UMODL1: variants seen among roughly 807,000 people sequenced by gnomAD.
The protein encoded by UMODL1 is uromodulin like 1.
UMODL1 carries 128 observed loss-of-function variants against 136.3 expected under a neutral mutation model. The observed-to-expected ratio is 0.94, with a 90% CI of 0.81 to 1.09. The LOEUF (loss-of-function observed/expected upper bound fraction) is 1.09, where lower values mean the gene tolerates loss of function less well. Among genes scored for constraint, UMODL1 ranks in the 50% least tolerant of loss-of-function variants. The pLI is 0.00. For missense variants in UMODL1, 1,766 were observed against 1,725.6 expected, an observed-to-expected ratio of 1.02 and a Z score of -0.41; for synonymous variants, 721 against 720.0, an observed-to-expected ratio of 1.00 and a Z score of -0.02.
At position 42,099,202 on chromosome 21, in the gene UMODL1, C is replaced by A. The variant is rs114762647; in HGVS notation, c.1186+22C>A. ...ACCAGTAAGGCCCCCAGTCAGAGACCCACGTTAGCTTGCGAGCTTGTCTTT... is the reference window on the plus strand; with the variant it reads ...ACCAGTAAGGCCCCCAGTCAGAGACACACGTTAGCTTGCGAGCTTGTCTTT... On this transcript the variant is annotated intron_variant, in intron 7 of 22. Coordinates refer to ENST00000408910, the MANE Select transcript of UMODL1 (RefSeq NM_001004416.3). The surrounding 1 kb of genome is among the most constrained non-coding windows in gnomAD (Gnocchi z 4.1). The A allele has an allele frequency of 8.0e-4, 1,281 of 1,604,556 alleles. 6 individuals carry two copies. The African/African-American group carries it at 0.015, about 18-fold the overall frequency.
chr21:42,098,766 C>T (rs2066588979), intron 6 of UMODL1, among the ~76,000 whole-genome samples, 160 bp from the exon 7 acceptor site: 1 of 151,980 alleles, frequency 6.6e-6, no homozygotes, highest in Non-Finnish European at 1.5e-5. Context: ...GACTCTGTCT[C>T]AAAACAAAAA....
Position 42,119,136 on chromosome 21 carries a change from T to A in UMODL1, c.2501T>A (p.Met834Lys). Residue 834 changes from methionine to lysine, a missense_variant, in exon 15 of 23, where the codon ATG becomes AAG. Transcript: ENST00000408910. ...RMVRGSLPATMCQHMDAGGVR... is the reference protein window; with the variant it reads ...RMVRGSLPATKCQHMDAGGVR... ...GTGCGGGGCTCCCTGCCAGCCACCA[T>A]GTGTCAGCACATGGACGCTGGTGGG... The A allele has an allele frequency of 1.2e-6, 2 of 1,613,480 alleles. No homozygotes were observed. The highest frequency in any genetic ancestry group is 2.2e-5 in the South Asian group (2 of 91,050).
At chr21:42,110,774 T>C in intron 10 of UMODL1, 106 bp from the exon 11 acceptor site, 1 of 1,155,078 alleles carries the variant, frequency 8.7e-7, no homozygotes, top group Non-Finnish European at 1.2e-6. Context: ...CCAGGTCCAC[T>C]CCGGGATGCA....
At chr21:42,073,052 G>A (rs956443295) in intron 1 of UMODL1, among the ~76,000 whole-genome samples, 4 of 152,150 alleles carry the variant, frequency 2.6e-5, no homozygotes, top group Admixed American at 6.5e-5. Flanking sequence ...GTGCGTGTGC[G>A]CATGTGTGCA....
intron 13 of UMODL1, among the ~76,000 whole-genome samples, chr21:42,114,527 C>T (rs1440339897): frequency 6.6e-6 from 1 of 151,320 alleles, no homozygotes; most frequent in Non-Finnish European, 1.5e-5. Flanking sequence ...GGCGCACACC[C>T]CTTGAGGGAG....
upstream of UMODL1, among the ~76,000 whole-genome samples, chr21:42,070,326 A>G (rs1387877419): frequency 1.3e-5 from 2 of 152,250 alleles, no homozygotes; most frequent in African/African-American, 4.8e-5. Context: ...AGTCAACACT[A>G]AGAAGTGAGA....
chr21:42,107,780 CT>C (rs1569159349), intron 9 of UMODL1, among the ~76,000 whole-genome samples: 2 of 152,176 alleles, frequency 1.3e-5, no homozygotes, highest in Non-Finnish European at 2.9e-5. Context: ...GGGTCTGTAC[CT>C]GCTCCTGGAC....
upstream of UMODL1, among the ~76,000 whole-genome samples, chr21:42,070,926 GT>G (rs1445165290): frequency 1.3e-5 from 2 of 152,230 alleles, no homozygotes; most frequent in East Asian, 3.8e-4. Flanking sequence ...GAACGATAGG[GT>G]AAGAGAATAC....
At chr21:42,109,349 AT>A (rs1457753738) in intron 9 of UMODL1, among the ~76,000 whole-genome samples, 3 of 152,204 alleles carry the variant, frequency 2.0e-5, no homozygotes, top group Non-Finnish European at 2.9e-5. Context: ...ACATTTCCTA[AT>A]CTTTGCCCCC....
In UMODL1 at chr21:42,099,004, C is replaced by T. The variant is rs1484577000; in HGVS notation, c.1010C>T (p.Thr337Ile). The change falls in exon 7 of 23, where the codon ACA becomes ATA. Residue 337 changes from threonine to isoleucine, a missense_variant. Coordinates refer to ENST00000408910, the MANE Select transcript of UMODL1 (RefSeq NM_001004416.3). The surrounding 1 kb of genome is among the most constrained non-coding windows in gnomAD (Gnocchi z 4.1). ...SFQVSWRLNSTQNHTFHVRVY... is the reference protein window; with the variant it reads ...SFQVSWRLNSIQNHTFHVRVY... The stretch of plus-strand genomic sequence containing the variant: ...CAAGTATCCTGGCGTTTAAATTCTA[C>T]ACAGAACCACACTTTCCATGTCCGG... The T allele has an allele frequency of 6.2e-7, 1 of 1,613,858 alleles. No homozygotes were observed. The highest frequency in any genetic ancestry group is 8.5e-7 in the Non-Finnish European group (1 of 1,179,966).
chr21:42,104,419 TTTTTTCTTTTCTTTTTTTTC>T (rs1410181452), intron 9 of UMODL1, among the ~76,000 whole-genome samples: 3 of 145,014 alleles, frequency 2.1e-5, no homozygotes, highest in Non-Finnish European at 3.1e-5. Context: ...TTTCTTTTCT[TTTTTTCTTTTCTTTTTTTTC>T]TTTTTCTTTT....
upstream of UMODL1, among the ~76,000 whole-genome samples, chr21:42,068,031 G>A (rs2066197562): frequency 6.6e-6 from 1 of 152,198 alleles, no homozygotes; most frequent in Non-Finnish European, 1.5e-5. The surrounding 1 kb of genome is among the most constrained non-coding windows in gnomAD (Gnocchi z 5.5). Context: ...AGGCGGCCCG[G>A]AGAACTCTCC....
intron 21 of UMODL1, among the ~76,000 whole-genome samples, chr21:42,130,833 G>C (rs1477557110): frequency 6.7e-6 from 1 of 148,546 alleles, no homozygotes; most frequent in East Asian, 2.0e-4. Context: ...TTTTTGAGAC[G>C]GAGTTTTTCT....
chr21:42,102,168 G>A lies in UMODL1; in HGVS notation c.1189G>A (p.Ala397Thr), dbSNP rs761395546. The change falls in exon 8 of 23, where the codon GCC (alanine) becomes ACC (threonine). Residue 397 changes from alanine to threonine, a missense_variant and splice_region_variant. By Grantham distance (58) the Ala-to-Thr change is moderately conservative. Transcript: ENST00000408910. ...VSTTLTIKTN[A>T]QVFEVTIKIV... The stretch of plus-strand genomic sequence containing the variant: ...ATTTGTTTCACTGTCTGTCTCAGAT[G>A]CCCAGGTATTTGAAGTCACAATAAA... The A allele has an allele frequency of 2.9e-5, 47 of 1,610,548 alleles. No homozygotes were observed. Among genetic ancestry groups the A allele is most frequent in the Admixed American group, 1.3e-4 (8 of 59,762 alleles).
chr21:42,097,978 C>A (rs1302618911), intron 6 of UMODL1, among the ~76,000 whole-genome samples: 6 of 152,180 alleles, frequency 3.9e-5, no homozygotes, highest in Non-Finnish European at 8.8e-5. Context: ...CCTGATGAGG[C>A]CATTGTTTAT....
At chr21:42,109,847 TA>T in intron 10 of UMODL1, 148 bp downstream of exon 10, 2 of 908,356 alleles carry the variant, frequency 2.2e-6, no homozygotes, top group Non-Finnish European at 3.2e-6. Context: ...CAATTTATTT[TA>T]AAATCAGAAG....
intron 16 of UMODL1, 34 bp downstream of exon 16, chr21:42,121,258 T>G (rs1271670153): frequency 1.1e-5 from 18 of 1,583,226 alleles, no homozygotes; most frequent in Non-Finnish European, 1.4e-5. Flanking sequence ...TCTGGAATAC[T>G]GTATCATAAT....
intron 1 of UMODL1, among the ~76,000 whole-genome samples, chr21:42,064,139 C>T (rs763694841): frequency 5.3e-5 from 8 of 152,290 alleles, no homozygotes; most frequent in Non-Finnish European, 7.4e-5. Flanking sequence ...TGGCGTTCTC[C>T]GTTGGCAGTT....
chr21:42,099,993 A>T lies in UMODL1; in HGVS notation c.1186+813A>T, dbSNP rs1488567482. ...AACTTGGGGCTTGTGTCAGGAAGGC[A>T]GCCGGTGTGGCCCATCTGGGTCTGT... On this transcript the variant is annotated intron_variant, in intron 7 of 22. Coordinates refer to ENST00000408910, the MANE Select transcript of UMODL1 (RefSeq NM_001004416.3). The surrounding 1 kb of genome is among the most constrained non-coding windows in gnomAD (Gnocchi z 4.1). Among the ~76,000 whole-genome samples the T allele has an allele frequency of 6.6e-6, 1 of 152,220 alleles. No homozygotes were observed. Among genetic ancestry groups the T allele is most frequent in the East Asian group, 1.9e-4 (1 of 5,192 alleles).
Sources: allele counts gnomAD v4.1 joint callset (sites outside exome capture counted in the v4.1 genomes callset), GRCh38; gene constraint gnomAD v4.1.1; non-coding constraint Gnocchi (gnomAD v3.1); transcripts MANE v1.5; gene names NCBI Gene and HGNC (gene_info 2026-07-23, HGNC 2026-07-21).